The following TFRC variants were observed in gnomAD, a reference collection of about 807,000 sequenced individuals.
TFRC encodes transferrin receptor protein 1.
In TFRC, 35 loss-of-function variants were observed where a neutral mutation model predicts 85.8. That is an observed-to-expected ratio of 0.41 (90% confidence interval 0.31 to 0.54). The LOEUF (loss-of-function observed/expected upper bound fraction) is 0.54, where lower values mean the gene tolerates loss of function less well. Among genes scored for constraint, TFRC ranks in the 20% least tolerant of loss-of-function variants. TFRC has a pLI of 0.31. For synonymous variants in TFRC, 362 were observed against 328.6 expected (o/e 1.10, Z -1.10); for missense variants, 828 against 921.5 (o/e 0.90, Z 1.31).
Position 196,058,323 on chromosome 3 carries a change from T to C in TFRC, c.1638A>G (p.Ala546=), listed in dbSNP as rs1446330254. ...TLDNAAFPFL[A]YSGIPAVSFC... ...AAGAAACTGCTGGGATTCCAGAATA[T>C]GCAAGGAAAGGGAAAGCAGCATTGT... The change falls in exon 16 of 19, where the codon GCA becomes GCG. Residue 546 remains alanine (A), a synonymous_variant. Transcript: ENST00000360110. 6.2e-7 allele frequency: 1 copy of C among 1,614,060 alleles called. No individual in the cohort carries two copies. Among genetic ancestry groups the C allele is most frequent in the Non-Finnish European group, 8.5e-7 (1 of 1,179,990 alleles).
chr3:196,059,651 T>C (rs949753723), intron 14 of TFRC, among the ~76,000 whole-genome samples: 2 of 152,074 alleles, frequency 1.3e-5, no homozygotes, highest in African/African-American at 4.8e-5. Flanking sequence ...TTAGGGTACA[T>C]GTGCACATTG....
At chr3:196,069,243 TTA>T (rs766310063) in intron 7 of TFRC, among the ~76,000 whole-genome samples, 2 of 152,218 alleles carry the variant, frequency 1.3e-5, no homozygotes, top group Non-Finnish European at 2.9e-5. Flanking sequence ...TAAAACTGAG[TTA>T]TACAGAGAAA....
chr3:196,060,394 A>G, intron 13 of TFRC, 147 bp from the exon 14 acceptor site: 2 of 698,586 alleles, frequency 2.9e-6, no homozygotes, highest in Non-Finnish European at 4.8e-6. Context: ...CAAGTAAACA[A>G]AAGTAATTTT....
intron 11 of TFRC, 126 bp downstream of exon 11, chr3:196,064,183 G>A: frequency 9.6e-7 from 1 of 1,044,348 alleles, no homozygotes; most frequent in Non-Finnish European, 1.3e-6. Flanking sequence ...AATCTGCCTT[G>A]TATTTAAGAA....
chr3:196,074,010 T>A lies in TFRC; in HGVS notation c.354A>T (p.Ala118=), dbSNP rs1381520777. Residue 118 remains alanine, a synonymous_variant, in exon 4 of 19, where the codon GCA becomes GCT. Coordinates refer to ENST00000360110, the MANE Select transcript of TFRC (RefSeq NM_001128148.3). ...VREEPGEDFP[A]ARRLYWDDLK... ...GGTCATCCCAATATAAGCGACGTGC[T>A]GCAGGGAAGTCCTCTCCTGGCTCCT... is the stretch of plus-strand genomic sequence containing the variant. 7.4e-6 allele frequency: 12 copies of A among 1,614,102 alleles called. No homozygotes were observed. Among genetic ancestry groups the A allele is most frequent in the African/African-American group, 1.3e-5 (1 of 74,936 alleles).
intron 10 of TFRC, among the ~76,000 whole-genome samples, chr3:196,065,073 A>G (rs1319970128): frequency 6.6e-6 from 1 of 152,006 alleles, no homozygotes; most frequent in East Asian, 1.9e-4. Flanking sequence ...ATGGAGCCTG[A>G]CCAACATGGA....
At chr3:196,076,387 C>T (rs1718699676) in intron 2 of TFRC, among the ~76,000 whole-genome samples, 2 of 151,756 alleles carry the variant, frequency 1.3e-5, no homozygotes, top group South Asian at 4.2e-4. Flanking sequence ...ATCCTCCTGC[C>T]TCACCTCCCA....
chr3:196,075,946 G>A (rs1718654117), intron 2 of TFRC, among the ~76,000 whole-genome samples: 1 of 150,894 alleles, frequency 6.6e-6, no homozygotes, highest in Non-Finnish European at 1.5e-5. Flanking sequence ...TGACCAACAT[G>A]GTGAAATCCC....
chr3:196,075,032 TA>T, intron 3 of TFRC, 126 bp downstream of exon 3: 1 of 847,930 alleles, frequency 1.2e-6, no homozygotes, highest in Non-Finnish European at 1.7e-6. Flanking sequence ...GGCAAGAGAG[TA>T]AGCCTCTGTC....
rs1268579710 is a variant in TFRC, at chr3:196,065,360, C to T, written c.1198+83G>A. The T allele has an allele frequency of 1.3e-5, 11 of 828,024 alleles. 1 individual carries two copies. Among genetic ancestry groups the T allele is most frequent in the Middle Eastern group, 3.6e-4 (1 of 2,740 alleles). 51.3% of individuals were successfully genotyped at this position (828,024 alleles called of 1,614,324 possible). A position where few individuals can be genotyped will look rare whatever the true frequency, so the allele number is the denominator to read the frequency against. ...CAAGCCAAGCCAGCATTCCTACACT[C>T]GCTCCTTCTCTAGCCACATCCTTAG... On this transcript the variant is annotated intron_variant, in intron 10 of 18. Coordinates refer to ENST00000360110, the MANE Select transcript of TFRC (RefSeq NM_001128148.3).
At chr3:196,064,285 A>G in intron 11 of TFRC, 24 bp downstream of exon 11, 1 of 1,599,804 alleles carries the variant, frequency 6.3e-7, no homozygotes, top group Non-Finnish European at 8.5e-7. Flanking sequence ...CCAATATTCA[A>G]AAGAATCAAA....
chr3:196,062,547 T>G, intron 13 of TFRC, 35 bp downstream of exon 13: 1 of 1,585,546 alleles, frequency 6.3e-7, no homozygotes, highest in Non-Finnish European at 8.6e-7. Flanking sequence ...AAAGTTTACC[T>G]GAATTCATAC....
intron 7 of TFRC, among the ~76,000 whole-genome samples, chr3:196,068,409 G>A (rs777503812): frequency 6.6e-5 from 10 of 150,686 alleles, no homozygotes; most frequent in Non-Finnish European, 1.2e-4. Context: ...TCAGGAGTTC[G>A]AGACCAGCCT....
chr3:196,079,360 G>A (rs1718974924), intron 1 of TFRC, among the ~76,000 whole-genome samples: 1 of 152,146 alleles, frequency 6.6e-6, no homozygotes, highest in Non-Finnish European at 1.5e-5. Flanking sequence ...TGTAATCCCA[G>A]CAACACTTTG....
chr3:196,075,088 G>T (rs999136153), intron 3 of TFRC, 71 bp downstream of exon 3: 5 of 1,089,580 alleles, frequency 4.6e-6, no homozygotes, highest in Non-Finnish European at 6.9e-6. Flanking sequence ...ATAACTATAT[G>T]CTGAGCTGAC....
At chr3:196,058,513 A>ACTAC in intron 15 of TFRC, 61 bp downstream of exon 15, 26 of 1,522,602 alleles carry the variant, frequency 1.7e-5, no homozygotes, top group Non-Finnish European at 2.3e-5. Context: ...GATTCTACCT[A>ACTAC]ATGTAGTAGG....
At chr3:196,079,593 G>A (rs1201600582) in intron 1 of TFRC, among the ~76,000 whole-genome samples, 7 of 152,186 alleles carry the variant, frequency 4.6e-5, no homozygotes, top group African/African-American at 1.7e-4. Context: ...TACAGCCTGG[G>A]CAACAAGCGT....
intron 17 of TFRC, among the ~76,000 whole-genome samples, chr3:196,054,709 C>T (rs142466536): frequency 1.3e-5 from 2 of 152,322 alleles, no homozygotes; most frequent in East Asian, 1.9e-4. Context: ...CAGATCACTA[C>T]GAGATGGAAT....
At position 196,072,066 on chromosome 3, in the gene TFRC, C is replaced by A; in HGVS notation, c.521G>T (p.Arg174Leu). ...NLALYVENQF[R>L]EFKLSKVWRD... Reference sequence around the variant, plus strand: ...CCAGACTTTGCTGAGTTTAAATTCACGAAATTGATTTTCAACATACAACGC... The same window carrying A: ...CCAGACTTTGCTGAGTTTAAATTCAAGAAATTGATTTTCAACATACAACGC... Residue 174 changes from arginine to leucine, a missense_variant, in exon 5 of 19, where the codon CGT (arginine) becomes CTT (leucine). Arg to Leu is a moderately radical substitution (Grantham distance 102). Coordinates refer to ENST00000360110, the MANE Select transcript of TFRC (RefSeq NM_001128148.3). The A allele has an allele frequency of 3.7e-6, 6 of 1,614,104 alleles. No homozygotes were observed. The highest frequency in any genetic ancestry group is 5.1e-6 in the Non-Finnish European group (6 of 1,180,024).
Sources: gnomAD v4.1 joint callset for allele counts (sites outside exome capture counted in the v4.1 genomes callset) on GRCh38, gnomAD v4.1.1 for gene constraint, MANE v1.5 for transcripts, NCBI Gene and HGNC (gene_info 2026-07-23, HGNC 2026-07-21) for gene names.